Variants in INPP4B observed in about 807,000 individuals in gnomAD.
INPP4B encodes inositol polyphosphate 4-phosphatase type II.
INPP4B carries 55 observed loss-of-function variants against 122.5 expected under a neutral mutation model. That is an observed-to-expected ratio of 0.45 (90% CI 0.36 to 0.56). INPP4B has a LOEUF of 0.56. Ranked by LOEUF, INPP4B falls within the 20% of genes least tolerant of loss-of-function variation. The pLI, the probability that INPP4B is intolerant of heterozygous loss-of-function variation, is 0.00. For synonymous variants in INPP4B, 403 were observed against 388.7 expected (o/e 1.04, Z -0.43); for missense variants, 1,000 against 1,097.7 (o/e 0.91, Z 1.26).
intron 2 of INPP4B, among the ~76,000 whole-genome samples, chr4:142,609,330 T>G (rs935081910): frequency 1.8e-4 from 27 of 152,162 alleles, no homozygotes; most frequent in African/African-American, 6.0e-4. Context: ...CTCATTTAAT[T>G]CATCAGCCAA....
At chr4:142,304,596 G>A (rs1762661750) in intron 9 of INPP4B, among the ~76,000 whole-genome samples, 1 of 152,066 alleles carries the variant, frequency 6.6e-6, no homozygotes, top group South Asian at 2.1e-4. Flanking sequence ...TTATAAGTGG[G>A]TCCTTGGCGG....
chr4:142,494,452 C>T (rs1580206447), intron 2 of INPP4B, among the ~76,000 whole-genome samples: 1 of 152,062 alleles, frequency 6.6e-6, no homozygotes, highest in Admixed American at 6.6e-5. Context: ...TTCATTCTTT[C>T]CCATCAATAC....
chr4:142,377,771 C>T (rs1469894497), intron 7 of INPP4B, among the ~76,000 whole-genome samples: 10 of 151,990 alleles, frequency 6.6e-5, no homozygotes, highest in Non-Finnish European at 1.5e-4. Flanking sequence ...TAATTAAATA[C>T]TAAAATAAAT....
chr4:142,440,776 C>T (rs1407648680), intron 3 of INPP4B, among the ~76,000 whole-genome samples: 2 of 152,006 alleles, frequency 1.3e-5, no homozygotes, highest in Non-Finnish European at 2.9e-5. Context: ...ATGCACATGA[C>T]GTTATAAGAT....
intron 1 of INPP4B, among the ~76,000 whole-genome samples, chr4:142,772,933 C>T (rs1773309836): frequency 6.6e-6 from 1 of 152,044 alleles, no homozygotes; most frequent in African/African-American, 2.4e-5. Flanking sequence ...TTAATCCCAA[C>T]TACTTGATAG....
intron 10 of INPP4B, among the ~76,000 whole-genome samples, chr4:142,264,382 C>T (rs923872904): frequency 6.6e-6 from 1 of 152,056 alleles, no homozygotes; most frequent in African/African-American, 2.4e-5. Flanking sequence ...AAAGGTGACT[C>T]CAATAAAAGA....
At chr4:142,070,216 A>G (rs1406811993) in intron 25 of INPP4B, among the ~76,000 whole-genome samples, 3 of 152,216 alleles carry the variant, frequency 2.0e-5, no homozygotes, top group African/African-American at 7.2e-5. Context: ...CATCATATAA[A>G]CAGAACCAAA....
chr4:142,270,816 T>C lies in INPP4B; in HGVS notation c.504-42A>G, dbSNP rs1161103185. ...ACGAAATGGAAAGGTAAGAAGCTTC[T>C]CTCTCCCCCAAAAATATCCAAAACA... On this transcript the variant is annotated intron_variant, in intron 9 of 25. Transcript: ENST00000262992. 6 of 1,293,880 alleles carry C rather than the reference T, an allele frequency of 4.6e-6. No individual in the cohort carries two copies. The African/African-American group carries it at 7.3e-5, about 16-fold the overall frequency. 80.1% of individuals were successfully genotyped at this position (1,293,880 alleles called of 1,614,324 possible). A position where few individuals can be genotyped will look rare whatever the true frequency, so the allele number is the denominator to read the frequency against.
At chr4:142,581,461 A>T (rs1255984068) in intron 2 of INPP4B, among the ~76,000 whole-genome samples, 2 of 151,502 alleles carry the variant, frequency 1.3e-5, no homozygotes, top group Non-Finnish European at 2.9e-5. Context: ...TTATTCATGA[A>T]CTTTGGAAAT....
chr4:142,388,350 T>C (rs1796592732), intron 7 of INPP4B, among the ~76,000 whole-genome samples: 1 of 152,092 alleles, frequency 6.6e-6, no homozygotes, highest in African/African-American at 2.4e-5. Context: ...GCCTATGTTC[T>C]TCTCTTCTTA....
chr4:142,187,600 T>C (rs75618375), intron 15 of INPP4B, among the ~76,000 whole-genome samples: 2 of 148,742 alleles, frequency 1.3e-5, no homozygotes, highest in African/African-American at 4.9e-5. Flanking sequence ...CAGACACACA[T>C]TTTTTTTTTG....
At chr4:142,367,307 C>G (rs1301403823) in intron 7 of INPP4B, among the ~76,000 whole-genome samples, 1 of 151,646 alleles carries the variant, frequency 6.6e-6, no homozygotes, top group East Asian at 1.9e-4. Context: ...AAAGATGATA[C>G]AGTAAACTTT....
At chr4:142,568,474 G>A (rs1217787634) in intron 2 of INPP4B, among the ~76,000 whole-genome samples, 1 of 152,126 alleles carries the variant, frequency 6.6e-6, no homozygotes, top group East Asian at 1.9e-4. Context: ...ATAAGGAAAA[G>A]ATTTAGATAT....
chr4:142,206,848 A>G (rs1842787860), intron 14 of INPP4B, among the ~76,000 whole-genome samples: 5 of 152,130 alleles, frequency 3.3e-5, no homozygotes, highest in Admixed American at 3.3e-4. Context: ...TTTTTTAAGT[A>G]CACAATATAG....
rs145344212 is a variant in INPP4B at position 142,613,318 on chromosome 4, A to G, written c.-191+112521T>C. Among the ~76,000 whole-genome samples, 19 of 152,346 alleles carry G rather than the reference A, an allele frequency of 1.2e-4. 1 individual carries two copies. The East Asian group carries it at 3.5e-3, about 28-fold the overall frequency. On this transcript the variant is annotated intron_variant, in intron 2 of 25. Coordinates refer to ENST00000262992, the MANE Select transcript of INPP4B (RefSeq NM_001101669.3). Reference sequence around the variant, plus strand: ...TGATACATATAGATTTGTGAGTAGTACATTTTATAAGGTATATATTAATAT... The same window carrying G: ...TGATACATATAGATTTGTGAGTAGTGCATTTTATAAGGTATATATTAATAT...
At chr4:142,457,437 A>G (rs1403862726) in intron 3 of INPP4B, among the ~76,000 whole-genome samples, 1 of 152,170 alleles carries the variant, frequency 6.6e-6, no homozygotes, top group East Asian at 1.9e-4. Context: ...CTCCATAAGA[A>G]AACAAAAATA....
chr4:142,370,526 C>T (rs1308899326), intron 7 of INPP4B, among the ~76,000 whole-genome samples: 1 of 151,886 alleles, frequency 6.6e-6, no homozygotes. Context: ...TTGTAGATGA[C>T]ATGATATTAT....
intron 6 of INPP4B, 97 bp from the exon 7 acceptor site, chr4:142,403,151 GTC>G: frequency 1.4e-6 from 1 of 735,054 alleles, no homozygotes; most frequent in Non-Finnish European, 2.4e-6. Flanking sequence ...GTGTGCCTGA[GTC>G]TGTTTTTCAA....
In INPP4B at chr4:142,255,015, A is replaced by G. The variant is rs1391505488; in HGVS notation, c.688+5477T>C. On this transcript the variant is annotated intron_variant, in intron 11 of 25. Coordinates refer to ENST00000262992, the MANE Select transcript of INPP4B (RefSeq NM_001101669.3). ...ACTAACAGCGGCTCTCTCGGCAGAA[A>G]CTCTACAAGCCAGAAGAGAGTGGGG... Among the ~76,000 whole-genome samples the G allele has an allele frequency of 3.3e-5, 5 of 152,280 alleles. No individual in the cohort carries two copies. In the East Asian group the frequency reaches 5.8e-4, roughly 18 times the overall value.
Sources: gnomAD v4.1 joint callset for allele counts (sites outside exome capture counted in the v4.1 genomes callset) on GRCh38, gnomAD v4.1.1 for gene constraint, MANE v1.5 for transcripts, NCBI Gene and HGNC (gene_info 2026-07-23, HGNC 2026-07-21) for gene names.